OR52N4: variants seen among roughly 807,000 people sequenced by gnomAD.
OR52N4 encodes the protein olfactory receptor 52N4.
Under a neutral mutation model 15.0 loss-of-function variants are expected in OR52N4, and 15 were observed. That is an observed-to-expected ratio of 1.00 (90% CI 0.67 to 1.54). The LOEUF is 1.54. Ranked by LOEUF, OR52N4 falls within the 40% of genes most tolerant of loss-of-function variation. The pLI, the probability that OR52N4 is intolerant of heterozygous loss-of-function variation, is 0.00. For synonymous variants in OR52N4, 143 were observed against 143.7 expected (o/e 1.00, Z 0.03); for missense variants, 421 against 394.0 (o/e 1.07, Z -0.58).
chr11:5,739,518 C>A, the OR52N4 span, among the ~76,000 whole-genome samples: 1 of 103,190 alleles, frequency 9.7e-6, no homozygotes, highest in African/African-American at 3.6e-5. Flanking sequence ...GCTGTGATCA[C>A]ACCATTGCAC....
chr11:5,755,754 T>C lies in OR52N4; in HGVS notation c.*48T>C. 6.4e-7 allele frequency: 1 copy of C among 1,571,926 alleles called. No individual in the cohort carries two copies. Among genetic ancestry groups the C allele is most frequent in the Non-Finnish European group, 8.6e-7 (1 of 1,160,958 alleles). On this transcript the variant is annotated 3_prime_UTR_variant, in exon 2 of 2. Coordinates refer to ENST00000641350, the MANE Select transcript of OR52N4 (RefSeq NM_001005175.5). The stretch of plus-strand genomic sequence containing the variant: ...AAGAGAAGGAAAGAATTACTTCTAT[T>C]TGCCTCTTATGCAGGAGTTCATAAA...
the OR52N4 span, among the ~76,000 whole-genome samples, chr11:5,729,092 T>C: frequency 6.1e-5 from 9 of 147,608 alleles, no homozygotes; most frequent in Non-Finnish European, 9.0e-5. Flanking sequence ...CCTGTGTCCA[T>C]GTATCTAATC....
At chr11:5,754,073 G>C (rs1302866740), upstream of OR52N4, among the ~76,000 whole-genome samples, 1 of 148,172 alleles carries the variant, frequency 6.7e-6, no homozygotes, top group Non-Finnish European at 1.5e-5. Context: ...TTGTGTTACA[G>C]ACAACCCAAT....
At chr11:5,732,824 T>G in the OR52N4 span, among the ~76,000 whole-genome samples, 1 of 152,184 alleles carries the variant, frequency 6.6e-6, no homozygotes, top group Non-Finnish European at 1.5e-5. Context: ...AATAATCTCT[T>G]GGATGCTTCA....
chr11:5,740,454 A>T, the OR52N4 span, among the ~76,000 whole-genome samples: 1 of 127,984 alleles, frequency 7.8e-6, no homozygotes, highest in Non-Finnish European at 1.7e-5. Flanking sequence ...AAGCTTGTAA[A>T]GATGCTCTTA....
chr11:5,736,407 A>G, the OR52N4 span: 1 of 895,686 alleles, frequency 1.1e-6, no homozygotes, highest in Non-Finnish European at 1.7e-6. Flanking sequence ...TATAATTTCT[A>G]AAGAGATGAA....
In OR52N4 at chr11:5,755,085, G is replaced by C. The variant is rs576213456; in HGVS notation, c.345G>C (p.Gly115=). ...ACACCTTCACAGGGATGGAGTCTGGGGTGCTTATGCTTATGGCCCTGGATC... is the reference window on the plus strand; with the variant it reads ...ACACCTTCACAGGGATGGAGTCTGGCGTGCTTATGCTTATGGCCCTGGATC... The part of the protein sequence containing the change: ...FTHTFTGMES[G]VLMLMALDRY... The change falls in exon 2 of 2, where the codon GGG becomes GGC. Residue 115 remains glycine (G), a synonymous_variant. Transcript: ENST00000641350. 1.2e-6 allele frequency: 2 copies of C among 1,613,982 alleles called. No individual in the cohort carries two copies. Among genetic ancestry groups the C allele is most frequent in the East Asian group, 2.2e-5 (1 of 44,854 alleles).
the OR52N4 span, among the ~76,000 whole-genome samples, chr11:5,728,367 G>A: frequency 5.4e-4 from 82 of 152,222 alleles, 2 homozygotes; most frequent in East Asian, 1.9e-4. Context: ...AGAAGATTAA[G>A]CTTGATTCTA....
the OR52N4 span, chr11:5,737,214 C>G: frequency 8.1e-6 from 13 of 1,613,980 alleles, no homozygotes; most frequent in African/African-American, 1.7e-4. Flanking sequence ...ATTCTGTACT[C>G]TGTACTTAGA....
At chr11:5,737,046 A>G in the OR52N4 span, 1 of 1,614,084 alleles carries the variant, frequency 6.2e-7, no homozygotes, top group East Asian at 2.2e-5. Flanking sequence ...CAGCGTGATT[A>G]TTGCTCCAAG....
chr11:5,731,925 CTAAT>C, the OR52N4 span, among the ~76,000 whole-genome samples: 4 of 152,052 alleles, frequency 2.6e-5, no homozygotes, highest in Admixed American at 6.5e-5. Context: ...TTTTAATTGA[CTAAT>C]ATATATAAGG....
At chr11:5,739,561 C>A in the OR52N4 span, among the ~76,000 whole-genome samples, 283 of 44,798 alleles carry the variant, frequency 6.3e-3, no homozygotes, top group East Asian at 0.019. Flanking sequence ...GACTCTGACT[C>A]AAAAAAAAAA....
the OR52N4 span, chr11:5,736,801 G>A: frequency 6.2e-7 from 1 of 1,613,998 alleles, no homozygotes; most frequent in South Asian, 1.1e-5. Flanking sequence ...CCATCTTCTG[G>A]TTTGATGCCA....
At chr11:5,751,351 G>A (rs1435258993), upstream of OR52N4, among the ~76,000 whole-genome samples, 1 of 151,648 alleles carries the variant, frequency 6.6e-6, no homozygotes, top group Non-Finnish European at 1.5e-5. Flanking sequence ...TTCTGCCTTT[G>A]TCATCTTTTT....
upstream of OR52N4, among the ~76,000 whole-genome samples, chr11:5,753,735 G>A (rs1488372881): frequency 1.3e-5 from 2 of 152,122 alleles, no homozygotes; most frequent in Non-Finnish European, 2.9e-5. Flanking sequence ...GCTCATGCCT[G>A]TAATCCCAGC....
chr11:5,731,942 T>C, the OR52N4 span, among the ~76,000 whole-genome samples: 32 of 152,306 alleles, frequency 2.1e-4, no homozygotes, highest in African/African-American at 6.5e-4. Context: ...ATATAAGGGA[T>C]GCAATGTGAT....
chr11:5,735,593 C>T, the OR52N4 span, among the ~76,000 whole-genome samples: 1 of 151,904 alleles, frequency 6.6e-6, no homozygotes, highest in Non-Finnish European at 1.5e-5. Context: ...GAAAAGAAAT[C>T]AACAATATGA....
At chr11:5,738,688 A>G in the OR52N4 span, among the ~76,000 whole-genome samples, 1 of 152,350 alleles carries the variant, frequency 6.6e-6, no homozygotes, top group Admixed American at 6.5e-5. Context: ...ATGATCAGAT[A>G]TAAAGACACT....
At chr11:5,751,179 GTTTATCTAAA>G (rs1355958194), upstream of OR52N4, among the ~76,000 whole-genome samples, 2 of 147,946 alleles carry the variant, frequency 1.4e-5, no homozygotes, top group African/African-American at 4.9e-5. Context: ...GAGGTATACT[GTTTATCTAAA>G]AATATTATGT....
Sources: allele counts gnomAD v4.1 joint callset (sites outside exome capture counted in the v4.1 genomes callset), GRCh38; gene constraint gnomAD v4.1.1; transcripts MANE v1.5; gene names NCBI Gene and HGNC (gene_info 2026-07-23, HGNC 2026-07-21).